NCKAP5: variants seen among roughly 807,000 people sequenced by gnomAD.
NCKAP5 encodes the protein NCK associated protein 5, also known as nck-associated protein 5.
NCKAP5 carries 92 observed loss-of-function variants against 167.0 expected under a neutral mutation model. That is an observed-to-expected ratio of 0.55 (90% CI 0.47 to 0.66). The LOEUF (loss-of-function observed/expected upper bound fraction) is 0.66, where lower values mean the gene tolerates loss of function less well. NCKAP5 is among the 30% of genes least tolerant of loss of function. NCKAP5 has a pLI of 0.00. For synonymous variants in NCKAP5, 891 were observed against 877.4 expected (o/e 1.02, Z -0.27); for missense variants, 2,378 against 2,315.0 (o/e 1.03, Z -0.56).
chr2:133,149,603 A>T (rs578069505), intron 5 of NCKAP5, among the ~76,000 whole-genome samples: 1 of 152,242 alleles, frequency 6.6e-6, no homozygotes, highest in African/African-American at 2.4e-5. Flanking sequence ...TTTCTTCTAC[A>T]TATGTTCCTT....
At chr2:132,977,297 A>G (rs1307826920) in intron 7 of NCKAP5, among the ~76,000 whole-genome samples, 3 of 152,344 alleles carry the variant, frequency 2.0e-5, no homozygotes, top group South Asian at 2.1e-4. Flanking sequence ...TTCAACAGAA[A>G]ACATTTTTTA....
chr2:132,807,370 T>C (rs1278878056), intron 11 of NCKAP5, among the ~76,000 whole-genome samples: 1 of 152,218 alleles, frequency 6.6e-6, no homozygotes, highest in East Asian at 1.9e-4. Flanking sequence ...TTTCACAATA[T>C]TGATTCTACT....
At chr2:133,599,071 A>G in the NCKAP5 span, among the ~76,000 whole-genome samples, 2 of 152,216 alleles carry the variant, frequency 1.3e-5, no homozygotes, top group Non-Finnish European at 2.9e-5. Flanking sequence ...AACTCTTTAT[A>G]AGAACCAGTC....
the NCKAP5 span, among the ~76,000 whole-genome samples, chr2:133,619,842 A>G: frequency 6.6e-6 from 1 of 152,178 alleles, no homozygotes; most frequent in Non-Finnish European, 1.5e-5. Flanking sequence ...ACATCTTAAG[A>G]GCTATGAGGC....
chr2:133,262,659 G>A (rs886193265), intron 4 of NCKAP5, among the ~76,000 whole-genome samples: 29 of 152,196 alleles, frequency 1.9e-4, no homozygotes, highest in African/African-American at 7.0e-4. Flanking sequence ...ACAGCCTTCA[G>A]GAGCAATACT....
intron 6 of NCKAP5, among the ~76,000 whole-genome samples, chr2:133,127,309 T>C (rs1158885460): frequency 6.6e-6 from 1 of 152,224 alleles, no homozygotes; most frequent in Non-Finnish European, 1.5e-5. Flanking sequence ...ACTCAAATTA[T>C]TGTGTAATTA....
chr2:133,516,412 G>C (rs544558496), intron 3 of NCKAP5, among the ~76,000 whole-genome samples: 1 of 152,220 alleles, frequency 6.6e-6, no homozygotes, highest in East Asian at 1.9e-4. Flanking sequence ...AAGGTATGCT[G>C]GTCAATGCAC....
At chr2:133,019,303 G>A (rs1003614709) in intron 6 of NCKAP5, among the ~76,000 whole-genome samples, 4 of 152,028 alleles carry the variant, frequency 2.6e-5, no homozygotes, top group Non-Finnish European at 5.9e-5. Context: ...TTTCTTAAGC[G>A]AAAATTAATC....
At chr2:133,007,270 T>C (rs939810909) in intron 6 of NCKAP5, among the ~76,000 whole-genome samples, 6 of 152,228 alleles carry the variant, frequency 3.9e-5, no homozygotes, top group African/African-American at 1.4e-4. Flanking sequence ...TAAAAAATGC[T>C]ATATATGTTG....
At chr2:133,533,992 A>G (rs1685563362) in intron 2 of NCKAP5, among the ~76,000 whole-genome samples, 1 of 152,166 alleles carries the variant, frequency 6.6e-6, no homozygotes, top group Admixed American at 6.5e-5. Flanking sequence ...CAGGTCACAT[A>G]TGGATATTTT....
intron 3 of NCKAP5, among the ~76,000 whole-genome samples, chr2:133,332,552 C>T (rs1682928904): frequency 6.6e-6 from 1 of 152,050 alleles, no homozygotes; most frequent in Non-Finnish European, 1.5e-5. Flanking sequence ...AGGCAATAAT[C>T]ATATAGTCAA....
At chr2:132,940,756 G>A (rs1309408698) in intron 8 of NCKAP5, among the ~76,000 whole-genome samples, 32 of 150,278 alleles carry the variant, frequency 2.1e-4, no homozygotes, top group Non-Finnish European at 3.0e-5. Context: ...CATGCCACAA[G>A]ATTATAATTA....
intron 6 of NCKAP5, among the ~76,000 whole-genome samples, chr2:133,052,487 G>A (rs535830575): frequency 1.3e-4 from 20 of 152,232 alleles, no homozygotes; most frequent in Admixed American, 5.2e-4. Flanking sequence ...GGAGGCCAAG[G>A]CAGGCAGATC....
intron 7 of NCKAP5, among the ~76,000 whole-genome samples, chr2:132,971,187 G>T (rs550801855): frequency 3.3e-5 from 5 of 152,312 alleles, no homozygotes; most frequent in African/African-American, 1.2e-4. Context: ...TAGCACTGTA[G>T]TGTGTCCTGT....
At chr2:133,150,353 G>A (rs1310846276) in intron 5 of NCKAP5, among the ~76,000 whole-genome samples, 1 of 152,090 alleles carries the variant, frequency 6.6e-6, no homozygotes, top group Non-Finnish European at 1.5e-5. Context: ...TGTATCTAGG[G>A]TCCAGTCCAG....
At chr2:133,603,233 T>C in the NCKAP5 span, among the ~76,000 whole-genome samples, 1 of 151,094 alleles carries the variant, frequency 6.6e-6, no homozygotes, top group Non-Finnish European at 1.5e-5. Context: ...TCTTTCTTTT[T>C]TTTTTTTTTT....
chr2:133,199,246 A>T (rs1280224463), intron 5 of NCKAP5, among the ~76,000 whole-genome samples: 2 of 151,944 alleles, frequency 1.3e-5, no homozygotes, highest in Non-Finnish European at 2.9e-5. Flanking sequence ...AAATAAATAG[A>T]GTTTTAATAC....
rs146805116 is a variant in NCKAP5, at chr2:133,009,381, T to C, written c.342-15142A>G. Among the ~76,000 whole-genome samples, 46 of 152,282 alleles carry C rather than the reference T, an allele frequency of 3.0e-4. No homozygotes were observed. In the East Asian group the frequency reaches 4.1e-3, roughly 13 times the overall value. On this transcript the variant is annotated intron_variant, in intron 6 of 19. Transcript: ENST00000409261. The stretch of plus-strand genomic sequence containing the variant: ...TACCCACATCGCACAGTTGGTTAAC[T>C]GTTTATCTTGTGTAGATGGAAATTC...
the NCKAP5 span, among the ~76,000 whole-genome samples, chr2:133,651,360 T>A: frequency 0.13 from 19,198 of 152,172 alleles, 2,469 homozygotes; most frequent in East Asian, 0.45. Flanking sequence ...GGATAGACAT[T>A]TCTCCAAAGA....
Sources: allele counts gnomAD v4.1 joint callset (sites outside exome capture counted in the v4.1 genomes callset), GRCh38; gene constraint gnomAD v4.1.1; transcripts MANE v1.5; gene names NCBI Gene and HGNC (gene_info 2026-07-23, HGNC 2026-07-21).